GRIA1: variants seen among roughly 807,000 people sequenced by gnomAD.
The protein encoded by GRIA1 is glutamate ionotropic receptor AMPA type subunit 1, also known as glutamate receptor 1.
In GRIA1, 31 loss-of-function variants were observed where a neutral mutation model predicts 99.2. The ratio of observed to expected loss-of-function variants is 0.31; its 90% CI spans 0.23 to 0.42. GRIA1 has a LOEUF of 0.42. Among genes scored for constraint, GRIA1 ranks in the 10% least tolerant of loss-of-function variants. The probability of loss-of-function intolerance (pLI) is 1.00; values close to 1 mark genes in which losing one functional copy is unlikely to be tolerated. For synonymous variants in GRIA1, 438 were observed against 432.4 expected (o/e 1.01, Z -0.16); for missense variants, 782 against 1,157.5 (o/e 0.68, Z 4.71).
intron 2 of GRIA1, among the ~76,000 whole-genome samples, chr5:153,529,882 C>A (rs1306408285): frequency 6.6e-6 from 1 of 152,154 alleles, no homozygotes. Flanking sequence ...AGGCCCTCTG[C>A]TGGGTAATCT....
At chr5:153,692,578 A>C (rs1024533339) in intron 8 of GRIA1, among the ~76,000 whole-genome samples, 2 of 152,206 alleles carry the variant, frequency 1.3e-5, no homozygotes, top group African/African-American at 2.4e-5. Flanking sequence ...AAGTAGTGGC[A>C]ACACAGACTA....
At chr5:153,494,744 C>A (rs1013823050) in intron 2 of GRIA1, among the ~76,000 whole-genome samples, 3 of 152,164 alleles carry the variant, frequency 2.0e-5, no homozygotes, top group Admixed American at 2.0e-4. Context: ...CTGAGTTTTC[C>A]TGGCAACTAG....
intron 2 of GRIA1, among the ~76,000 whole-genome samples, chr5:153,572,903 G>A (rs187384929): frequency 2.0e-5 from 3 of 152,320 alleles, no homozygotes; most frequent in Admixed American, 2.0e-4. Flanking sequence ...GGAGGCATGC[G>A]AGAAATATTG....
In GRIA1 at chr5:153,510,532, A is replaced by T. The variant is rs1380218988; in HGVS notation, c.220+16467A>T. ...TGAAATCGCTGAAAAAGAGTGCATG[A>T]AAGAGGTGAAAAGTTAACATGATGA... On this transcript the variant is annotated intron_variant, in intron 2 of 15. Transcript: ENST00000285900. 1.2e-4 allele frequency among the ~76,000 whole-genome samples: 18 copies of T among 152,250 alleles called. No individual in the cohort carries two copies. In the East Asian group the frequency reaches 2.9e-3, roughly 24 times the overall value.
At chr5:153,758,363 G>C (rs1261977417) in intron 11 of GRIA1, among the ~76,000 whole-genome samples, 1 of 151,822 alleles carries the variant, frequency 6.6e-6, no homozygotes, top group Non-Finnish European at 1.5e-5. Flanking sequence ...GAGGGAACAA[G>C]ATATTCCATG....
intron 2 of GRIA1, among the ~76,000 whole-genome samples, chr5:153,517,482 C>A (rs1756737547): frequency 6.6e-6 from 1 of 152,128 alleles, no homozygotes; most frequent in South Asian, 2.1e-4. Context: ...CCCCTGGGCC[C>A]TCAGAAAGGG....
At chr5:153,723,561 G>C (rs10071300) in intron 11 of GRIA1, among the ~76,000 whole-genome samples, 79,348 of 151,904 alleles carry the variant, frequency 0.52, 21,624 homozygotes, top group East Asian at 0.94. Context: ...TTTTCCAATG[G>C]ACTTAAAAAA....
intron 11 of GRIA1, among the ~76,000 whole-genome samples, chr5:153,761,563 T>C (rs573938016): frequency 7.7e-4 from 117 of 152,280 alleles, no homozygotes; most frequent in Non-Finnish European, 1.4e-3. Context: ...TATATGCCGC[T>C]GGTGGGAATA....
intron 2 of GRIA1, among the ~76,000 whole-genome samples, chr5:153,566,716 C>CTTCT (rs1761663143): frequency 8.6e-6 from 1 of 116,558 alleles, no homozygotes; most frequent in Non-Finnish European, 1.7e-5. Context: ...CAAATATTGT[C>CTTCT]TTTTTTTTTT....
In GRIA1 at chr5:153,709,445, G is replaced by A. The variant is rs142582743; in HGVS notation, c.1823+3378G>A. Among the ~76,000 whole-genome samples, 1,269 of 152,258 alleles carry A rather than the reference G, an allele frequency of 8.3e-3. 7 individuals are homozygous for A. The highest frequency in any genetic ancestry group is 0.014 in the Middle Eastern group (4 of 294). Reference sequence around the variant, plus strand: ...TAATCTCTTCAAAGTTGATGTTAATGTCTAGTAACCAAAACCAACAAAATG... The same window carrying A: ...TAATCTCTTCAAAGTTGATGTTAATATCTAGTAACCAAAACCAACAAAATG... On this transcript the variant is annotated intron_variant, in intron 11 of 15. Transcript: ENST00000285900.
Position 153,705,948 on chromosome 5 carries a change from A to T in GRIA1, c.1704A>T (p.Glu568Asp), listed in dbSNP as rs1561785815. 6.2e-7 allele frequency: 1 copy of T among 1,613,962 alleles called. No individual in the cohort carries two copies. Among genetic ancestry groups the T allele is most frequent in the Non-Finnish European group, 8.5e-7 (1 of 1,179,972 alleles). The change falls in exon 11 of 16, where the codon GAA becomes GAT. Residue 568 changes from glutamate to aspartate, a missense_variant. Physicochemically the swap from Glu to Asp is conservative, Grantham distance 45. This residue lies in a region of GRIA1 where 39 missense variants were observed against 43.5 expected (regional missense o/e 0.90). Transcript: ENST00000285900. Reference protein sequence around the residue: ...SRFSPYEWHSEEFEEGRDQTT... With the variant: ...SRFSPYEWHSDEFEEGRDQTT... ...TCAGTCCCTATGAATGGCACAGTGA[A>T]GAGTTTGAGGAAGGACGGGACCAGA...
chr5:153,667,478 A>C (rs900415380), intron 5 of GRIA1, among the ~76,000 whole-genome samples: 5 of 152,246 alleles, frequency 3.3e-5, no homozygotes, highest in Non-Finnish European at 5.9e-5. Context: ...TATTTGAAGC[A>C]GTTCTAACAC....
At chr5:153,540,906 G>C (rs1759022324) in intron 2 of GRIA1, among the ~76,000 whole-genome samples, 1 of 152,170 alleles carries the variant, frequency 6.6e-6, no homozygotes, top group South Asian at 2.1e-4. Context: ...TTTGGGAATT[G>C]AATGAACGTT....
intron 5 of GRIA1, among the ~76,000 whole-genome samples, chr5:153,667,033 A>G (rs1225830676): frequency 6.6e-6 from 1 of 152,168 alleles, no homozygotes; most frequent in Non-Finnish European, 1.5e-5. Flanking sequence ...TTCAAACCAC[A>G]GTTTCCTATA....
At chr5:153,707,053 A>T (rs376953078) in intron 11 of GRIA1, among the ~76,000 whole-genome samples, 26 of 152,286 alleles carry the variant, frequency 1.7e-4, no homozygotes, top group African/African-American at 6.3e-4. Flanking sequence ...CGGGAGGCAG[A>T]GGTTGCAGTG....
intron 11 of GRIA1, among the ~76,000 whole-genome samples, chr5:153,763,722 G>T (rs533993131): frequency 6.6e-6 from 1 of 152,340 alleles, no homozygotes; most frequent in South Asian, 2.1e-4. Context: ...GGAGATAAGA[G>T]AGGGGAATAG....
intron 7 of GRIA1, among the ~76,000 whole-genome samples, chr5:153,679,305 T>C (rs4547968): frequency 0.71 from 108,515 of 152,076 alleles, 39,159 homozygotes; most frequent in East Asian, 0.96. Context: ...AACAAACAAA[T>C]AAACCAGAAC....
chr5:153,621,248 T>G (rs910152272), intron 2 of GRIA1, among the ~76,000 whole-genome samples: 2 of 152,168 alleles, frequency 1.3e-5, no homozygotes, highest in African/African-American at 4.8e-5. Flanking sequence ...GCTCATTAAG[T>G]GATTAGTAGG....
At chr5:153,734,999 C>G (rs1761285316) in intron 11 of GRIA1, among the ~76,000 whole-genome samples, 1 of 152,108 alleles carries the variant, frequency 6.6e-6, no homozygotes, top group South Asian at 2.1e-4. Flanking sequence ...TTTTTGGATG[C>G]CACAACTTGG....
Sources: allele counts gnomAD v4.1 joint callset (sites outside exome capture counted in the v4.1 genomes callset), GRCh38; gene constraint gnomAD v4.1.1; regional missense constraint gnomAD v4.1.1; transcripts MANE v1.5; gene names NCBI Gene and HGNC (gene_info 2026-07-23, HGNC 2026-07-21).